Variants in MARCHF1 observed in about 807,000 individuals in gnomAD.
MARCHF1 encodes the protein E3 ubiquitin-protein ligase MARCHF1.
In MARCHF1, 40 loss-of-function variants were observed where a neutral mutation model predicts 54.2. The observed-to-expected ratio is 0.74, with a 90% CI of 0.57 to 0.96. The LOEUF (loss-of-function observed/expected upper bound fraction) is 0.96, where lower values mean the gene tolerates loss of function less well. Among genes scored for constraint, MARCHF1 ranks in the 40% least tolerant of loss-of-function variants. The probability of loss-of-function intolerance (pLI) is 0.00; values close to 1 mark genes in which losing one functional copy is unlikely to be tolerated. For synonymous variants in MARCHF1, 236 were observed against 236.3 expected (o/e 1.00, Z 0.01); for missense variants, 586 against 656.5 (o/e 0.89, Z 1.17).
chr4:164,089,555 A>T (rs1398525651), intron 2 of MARCHF1, among the ~76,000 whole-genome samples: 1 of 152,102 alleles, frequency 6.6e-6, no homozygotes, highest in Non-Finnish European at 1.5e-5. Flanking sequence ...TAAATTATAC[A>T]CACTAAATAT....
At chr4:164,041,901 T>C (rs1754137338) in intron 2 of MARCHF1, among the ~76,000 whole-genome samples, 1 of 152,152 alleles carries the variant, frequency 6.6e-6, no homozygotes, top group Admixed American at 6.6e-5. Flanking sequence ...TTCTTAAAAT[T>C]ACCATGAGTA....
intron 3 of MARCHF1, among the ~76,000 whole-genome samples, chr4:163,886,440 G>A (rs558054697): frequency 1.1e-4 from 17 of 151,820 alleles, no homozygotes; most frequent in African/African-American, 2.9e-4. Flanking sequence ...CTATAATAAA[G>A]CATCTCAACC....
intron 1 of MARCHF1, among the ~76,000 whole-genome samples, chr4:164,333,781 G>C (rs1025127936): frequency 6.6e-6 from 1 of 152,190 alleles, no homozygotes; most frequent in Non-Finnish European, 1.5e-5. Flanking sequence ...CATGTTGAAA[G>C]CCAAGAGGCC....
chr4:164,323,821 T>G (rs1735205004), intron 1 of MARCHF1, among the ~76,000 whole-genome samples: 1 of 151,718 alleles, frequency 6.6e-6, no homozygotes, highest in Non-Finnish European at 1.5e-5. Context: ...ATCAATTAGC[T>G]ATAAAGAGAT....
intron 4 of MARCHF1, among the ~76,000 whole-genome samples, chr4:163,714,158 C>A (rs547137997): frequency 1.3e-5 from 2 of 152,100 alleles, no homozygotes; most frequent in Non-Finnish European, 2.9e-5. Context: ...ATTTCTGGCA[C>A]ATGTTTCCAT....
intron 5 of MARCHF1, among the ~76,000 whole-genome samples, chr4:163,698,965 T>A (rs1405544662): frequency 6.6e-6 from 1 of 152,176 alleles, no homozygotes. Flanking sequence ...AAAACCTCCT[T>A]CAGGTGACTG....
At chr4:163,746,213 T>C (rs1424002005) in intron 4 of MARCHF1, among the ~76,000 whole-genome samples, 2 of 152,246 alleles carry the variant, frequency 1.3e-5, no homozygotes, top group Non-Finnish European at 2.9e-5. Flanking sequence ...CTTTTCACTT[T>C]TATCTAGTTT....
chr4:163,740,413 G>C (rs1165133370), intron 4 of MARCHF1, among the ~76,000 whole-genome samples: 3 of 152,150 alleles, frequency 2.0e-5, no homozygotes, highest in Admixed American at 6.6e-5. Flanking sequence ...AAGAATCATG[G>C]GTCAGAGATA....
intron 4 of MARCHF1, among the ~76,000 whole-genome samples, chr4:163,831,247 C>T (rs1437169642): frequency 6.6e-6 from 1 of 152,146 alleles, no homozygotes; most frequent in Non-Finnish European, 1.5e-5. Flanking sequence ...GGAAATTGCC[C>T]AGGTGGAACC....
intron 2 of MARCHF1, 125 bp from the exon 3 acceptor site, chr4:163,988,834 G>T (rs1752918153): frequency 1.3e-5 from 2 of 152,248 alleles, no homozygotes; most frequent in Non-Finnish European, 2.9e-5. Flanking sequence ...AATCCAGGGA[G>T]TACTGCATTC....
At position 164,284,095 on chromosome 4, in the gene MARCHF1, T is replaced by C. The variant is rs369852794; in HGVS notation, c.-323+99775A>G. 4.0e-5 allele frequency among the ~76,000 whole-genome samples: 6 copies of C among 151,124 alleles called. 1 individual carries two copies. The highest frequency in any genetic ancestry group is 4.0e-4 in the East Asian group (2 of 4,992). ...TAAGCAATGAATTGAAGATAAAAGG[T>C]ACTGAAACTGAGAAAGCTTAGGTCC... is the stretch of plus-strand genomic sequence containing the variant. On this transcript the variant is annotated intron_variant, in intron 1 of 9. Transcript: ENST00000514618.
intron 1 of MARCHF1, among the ~76,000 whole-genome samples, chr4:164,358,328 A>G (rs1294763303): frequency 1.3e-5 from 2 of 152,310 alleles, no homozygotes; most frequent in African/African-American, 2.4e-5. Flanking sequence ...ACTGGGGGAC[A>G]TAAATGCTAT....
chr4:163,945,610 A>G (rs1027583775), intron 3 of MARCHF1, among the ~76,000 whole-genome samples: 3 of 152,190 alleles, frequency 2.0e-5, no homozygotes, highest in Admixed American at 2.0e-4. Flanking sequence ...TTATCTCCAT[A>G]AACTAGCTTA....
intron 2 of MARCHF1, among the ~76,000 whole-genome samples, chr4:164,038,288 T>A (rs2111011450): frequency 6.6e-6 from 1 of 152,206 alleles, no homozygotes; most frequent in South Asian, 2.1e-4. Flanking sequence ...GGTCAGGAGA[T>A]CGAGACCATC....
intron 3 of MARCHF1, among the ~76,000 whole-genome samples, chr4:163,930,644 A>G (rs766522111): frequency 6.6e-6 from 1 of 152,072 alleles, no homozygotes; most frequent in Non-Finnish European, 1.5e-5. Flanking sequence ...CTGTTTTTAC[A>G]AGTTTATAGC....
At chr4:163,877,739 C>T (rs1264819099) in intron 3 of MARCHF1, among the ~76,000 whole-genome samples, 1 of 152,176 alleles carries the variant, frequency 6.6e-6, no homozygotes, top group Admixed American at 6.5e-5. Context: ...GCACGTCTCA[C>T]CTTCACAGCT....
intron 8 of MARCHF1, among the ~76,000 whole-genome samples, chr4:163,576,858 C>T (rs375664948): frequency 2.9e-4 from 44 of 151,538 alleles, no homozygotes; most frequent in Middle Eastern, 6.9e-3. Context: ...TCTGTTTTAT[C>T]TGATATAAAA....
intron 1 of MARCHF1, chr4:164,330,147 C>T (rs1735392683): frequency 6.6e-6 from 1 of 150,710 alleles, no homozygotes; most frequent in Non-Finnish European, 1.5e-5. Context: ...AGCCACCTGA[C>T]CAAATTCAGC....
rs35280070 is a variant in MARCHF1, at chr4:164,052,147, G to GTT, written c.-248+59439_-248+59440dup. Among the ~76,000 whole-genome samples the GTT allele has an allele frequency of 3.7e-3, 553 of 148,840 alleles. 2 individuals are homozygous for GTT. The highest frequency in any genetic ancestry group is 6.8e-3 in the Middle Eastern group (2 of 292). ...ACATCTTTTGGAAGTTTTTTTTTTTGTTTTTTTTGTATTTTTTAAAAAAAT... is the reference window on the plus strand; with the variant it reads ...ACATCTTTTGGAAGTTTTTTTTTTTGTTTTTTTTTTGTATTTTTTAAAAAAAT... On this transcript the variant is annotated intron_variant, in intron 2 of 9. Transcript: ENST00000514618.
Sources: gnomAD v4.1 joint callset for allele counts (sites outside exome capture counted in the v4.1 genomes callset) on GRCh38, gnomAD v4.1.1 for gene constraint, MANE v1.5 for transcripts, NCBI Gene and HGNC (gene_info 2026-07-23, HGNC 2026-07-21) for gene names.